The following ATP11A variants were observed in gnomAD, a reference collection of about 807,000 sequenced individuals.
ATP11A encodes the protein phospholipid-transporting ATPase IH.
Under a neutral mutation model 154.4 loss-of-function variants are expected in ATP11A, and 81 were observed. That is an observed-to-expected ratio of 0.52 (90% CI 0.44 to 0.63). ATP11A has a LOEUF of 0.63. Ranked by LOEUF, ATP11A falls within the 30% of genes least tolerant of loss-of-function variation. The pLI is 0.00. For missense variants in ATP11A, 1,316 were observed against 1,474.3 expected (o/e 0.89, Z 1.76); for synonymous variants, 623 against 585.9 (o/e 1.06, Z -0.91).
chr13:112,852,090 G>A (rs960165306), intron 18 of ATP11A, among the ~76,000 whole-genome samples: 4 of 152,200 alleles, frequency 2.6e-5, no homozygotes, highest in African/African-American at 9.7e-5. Context: ...GTTTGAGGCT[G>A]AGGCCACTAA....
At chr13:112,704,433 T>C (rs1886921701) in intron 1 of ATP11A, among the ~76,000 whole-genome samples, 1 of 152,266 alleles carries the variant, frequency 6.6e-6, no homozygotes, top group African/African-American at 2.4e-5. Flanking sequence ...TAACTGGTTT[T>C]GATGCTCTTG....
rs74118315 is a variant in ATP11A at position 112,838,297 on chromosome 13, G to A, written c.1705+2046G>A. ...GGGTGGGAAGTTCCTGGTCCATCCC[G>A]TCACGTGGTTTTCCCCGTAGCAGTC... On this transcript the variant is annotated intron_variant, in intron 16 of 29. Coordinates refer to ENST00000375645, the MANE Select transcript of ATP11A (RefSeq NM_015205.3). This position sits in a 1 kb window ranked among gnomAD's most constrained non-coding sequence, Gnocchi z 7.3. Among the ~76,000 whole-genome samples, 3,921 of 152,264 alleles carry A rather than the reference G, an allele frequency of 0.026. 87 individuals carry two copies. Among genetic ancestry groups the A allele is most frequent in the Non-Finnish European group, 0.043 (2,911 of 68,020 alleles).
At chr13:112,840,961 G>T (rs2079397182) in intron 16 of ATP11A, among the ~76,000 whole-genome samples, 1 of 152,200 alleles carries the variant, frequency 6.6e-6, no homozygotes, top group Non-Finnish European at 1.5e-5. Flanking sequence ...AGTGTCTGGG[G>T]GTCTCAGGGC....
chr13:112,870,058 A>G (rs1415187752), intron 25 of ATP11A, among the ~76,000 whole-genome samples: 1 of 152,082 alleles, frequency 6.6e-6, no homozygotes, highest in African/African-American at 2.4e-5. Flanking sequence ...AGGCTGCCCC[A>G]GCCGAGAACC....
At chr13:112,851,801 G>T (rs1034461849) in intron 18 of ATP11A, 14 of 152,280 alleles carry the variant, frequency 9.2e-5, no homozygotes, top group Admixed American at 5.9e-4. Flanking sequence ...GGAATTGCAG[G>T]CATGAGCAGT....
At position 112,825,561 on chromosome 13, in the gene ATP11A, C is replaced by G. The variant is rs766679862; in HGVS notation, c.1004C>G (p.Ser335Trp). The G allele has an allele frequency of 1.9e-6, 3 of 1,612,972 alleles. No individual in the cohort carries two copies. In the African/African-American group the frequency reaches 4.0e-5, roughly 22 times the overall value. ...CCGTGGTATAATCAGAAAACGGAGTCGGAAAGGCAGAGGAATCTGGTATGG... is the reference window on the plus strand; with the variant it reads ...CCGTGGTATAATCAGAAAACGGAGTGGGAAAGGCAGAGGAATCTGGTATGG... Reference protein sequence around the residue: ...DEPWYNQKTESERQRNLFLKA... With the variant: ...DEPWYNQKTEWERQRNLFLKA... The change falls in exon 11 of 30, where the codon TCG becomes TGG. Residue 335 changes from serine to tryptophan, a missense_variant. By Grantham distance (177) the Ser-to-Trp change is radical. Transcript: ENST00000375645.
chr13:112,828,217 G>GCA lies in ATP11A; in HGVS notation c.1221+1326_1221+1327insCA, dbSNP rs1357857010. 5.3e-5 allele frequency among the ~76,000 whole-genome samples: 8 copies of GCA among 149,566 alleles called. 1 individual carries two copies. Among genetic ancestry groups the GCA allele is most frequent in the Admixed American group, 4.7e-4 (7 of 14,990 alleles). On this transcript the variant is annotated intron_variant, in intron 12 of 29. Coordinates refer to ENST00000375645, the MANE Select transcript of ATP11A (RefSeq NM_015205.3). ...TGAGTGCGGGGGAAAGCGCCCAGCAGTGTTGAGTGCAGGGGAAAGCACCTA... is the reference window on the plus strand; with the variant it reads ...TGAGTGCGGGGGAAAGCGCCCAGCAGCATGTTGAGTGCAGGGGAAAGCACCTA...
intron 19 of ATP11A, 72 bp downstream of exon 19, chr13:112,854,602 G>A: frequency 6.6e-7 from 1 of 1,516,034 alleles, no homozygotes; most frequent in Non-Finnish European, 8.8e-7. Context: ...GCCTTCACCT[G>A]CAAGTCGGGG....
intron 16 of ATP11A, 38 bp downstream of exon 16, chr13:112,836,289 G>C (rs146885316): frequency 4.5e-6 from 6 of 1,328,818 alleles, no homozygotes; most frequent in East Asian, 2.3e-5. Context: ...TAAGTTATAC[G>C]TGGTGGTTGT....
At chr13:112,750,851 AT>A (rs1371399325) in intron 1 of ATP11A, among the ~76,000 whole-genome samples, 1 of 152,240 alleles carries the variant, frequency 6.6e-6, no homozygotes, top group Non-Finnish European at 1.5e-5. Flanking sequence ...AACAAGTAGA[AT>A]TGTTATGATA....
intron 5 of ATP11A, among the ~76,000 whole-genome samples, chr13:112,811,388 G>T (rs2078496215): frequency 6.6e-6 from 1 of 151,666 alleles, no homozygotes; most frequent in South Asian, 2.1e-4. Flanking sequence ...CCCACGCCAG[G>T]ATTGGTGGAA....
chr13:112,718,671 C>CTTTTT (rs35646090), intron 1 of ATP11A, among the ~76,000 whole-genome samples: 1 of 134,680 alleles, frequency 7.4e-6, no homozygotes, highest in African/African-American at 2.8e-5. Context: ...GCAGGCTGCA[C>CTTTTT]TTTTTTTTTT....
rs918599799 is a variant in ATP11A at position 112,859,526 on chromosome 13, G to A, written c.2727+74G>A. ...TCCCGCAGTGGGTGGCTGCTGTGGG[G>A]AGGGGAGACTTGGGAATGAGCAGCA... On this transcript the variant is annotated intron_variant, in intron 23 of 29. Coordinates refer to ENST00000375645, the MANE Select transcript of ATP11A (RefSeq NM_015205.3). This position sits in a 1 kb window ranked among gnomAD's most constrained non-coding sequence, Gnocchi z 4.3. 1.5e-6 allele frequency: 2 copies of A among 1,297,764 alleles called. No individual in the cohort carries two copies. Among genetic ancestry groups the A allele is most frequent in the African/African-American group, 1.5e-5 (1 of 68,250 alleles). 80.4% of individuals were successfully genotyped at this position (1,297,764 alleles called of 1,614,324 possible). A position where few individuals can be genotyped will look rare whatever the true frequency, so the allele number is the denominator to read the frequency against.
chr13:112,708,156 C>CT (rs55876043), intron 1 of ATP11A, among the ~76,000 whole-genome samples: 152,304 of 152,306 alleles, frequency 1, 76,151 homozygotes, highest in Non-Finnish European at 1. Flanking sequence ...ATCTCGACAA[C>CT]TTTTACAGGG....
chr13:112,856,407 G>C, intron 20 of ATP11A: 1 of 197,730 alleles, frequency 5.1e-6, no homozygotes, highest in Non-Finnish European at 1.0e-5. Flanking sequence ...AAGGTGTAAG[G>C]GAAGGGAGCT....
chr13:112,846,709 G>A (rs778327123), intron 17 of ATP11A, among the ~76,000 whole-genome samples: 10 of 152,360 alleles, frequency 6.6e-5, no homozygotes, highest in Non-Finnish European at 1.3e-4. Flanking sequence ...GTGGCCGGAT[G>A]CCTGCCTGTG....
Position 112,859,168 on chromosome 13 carries a change from A to G in ATP11A, c.2668-225A>G, listed in dbSNP as rs1002582391. 10 of 548,182 alleles carry G rather than the reference A, an allele frequency of 1.8e-5. No individual in the cohort carries two copies. In the Admixed American group the frequency reaches 1.9e-4, roughly 10 times the overall value. The allele number at this position is 548,182 out of a possible 1,614,324, so 34.0% of individuals were successfully genotyped here. A position where few individuals can be genotyped will look rare whatever the true frequency, so the allele number is the denominator to read the frequency against. ...CTTCTTGTTTCTCTTGGAGCTGACAAATTTCCTCTATACGTTGTCTGTCCT... is the reference window on the plus strand; with the variant it reads ...CTTCTTGTTTCTCTTGGAGCTGACAGATTTCCTCTATACGTTGTCTGTCCT... On this transcript the variant is annotated intron_variant, in intron 22 of 29. Transcript: ENST00000375645. This position sits in a 1 kb window ranked among gnomAD's most constrained non-coding sequence, Gnocchi z 4.3.
rs777953338 is a variant in ATP11A at position 112,785,246 on chromosome 13, G to A, written c.151G>A (p.Val51Ile). The change falls in exon 2 of 30, where the codon GTC (valine) becomes ATC (isoleucine). Residue 51 changes from valine to isoleucine, a missense_variant. Transcript: ENST00000375645. The surrounding 1 kb of genome is among the most constrained non-coding windows in gnomAD (Gnocchi z 4.8). ...IPQRYPDNRI[V>I]SSKYTFWNFI... ...ACAGAGATACCCAGACAACAGGATC[G>A]TCTCGTCCAAGGTAACTTGGCTTGG... 4.3e-5 allele frequency: 65 copies of A among 1,527,592 alleles called. No homozygotes were observed. The highest frequency in any genetic ancestry group is 6.5e-5 in the Admixed American group (3 of 46,104). The allele number at this position is 1,527,592 out of a possible 1,614,324, so 94.6% of individuals were successfully genotyped here.
chr13:112,865,320 C>A (rs145257512), intron 25 of ATP11A, among the ~76,000 whole-genome samples: 4,603 of 73,434 alleles, frequency 0.063, 34 homozygotes, highest in Middle Eastern at 0.15. Context: ...TCAGTGCAGC[C>A]CGTGCAGCTT....
Sources: gnomAD v4.1 joint callset for allele counts (sites outside exome capture counted in the v4.1 genomes callset) on GRCh38, gnomAD v4.1.1 for gene constraint, Gnocchi (gnomAD v3.1) non-coding constraint, MANE v1.5 for transcripts, NCBI Gene and HGNC (gene_info 2026-07-23, HGNC 2026-07-21) for gene names.